The following MCTP1 variants were observed in gnomAD, a reference collection of about 807,000 sequenced individuals.
The protein encoded by MCTP1 is multiple C2 and transmembrane domain-containing protein 1.
In MCTP1, 69 loss-of-function variants were observed where a neutral mutation model predicts 120.6. The observed-to-expected ratio is 0.57, with a 90% CI of 0.47 to 0.70. MCTP1 has a LOEUF of 0.70. Among genes scored for constraint, MCTP1 ranks in the 30% least tolerant of loss-of-function variants. The probability of loss-of-function intolerance (pLI) is 0.00; values close to 1 mark genes in which losing one functional copy is unlikely to be tolerated. For missense variants in MCTP1, 1,203 were observed against 1,248.8 expected, an observed-to-expected ratio of 0.96 and a Z score of 0.55; for synonymous variants, 529 against 493.1, an observed-to-expected ratio of 1.07 and a Z score of -0.96.
chr5:95,054,268 A>T (rs1356503774), intron 1 of MCTP1, among the ~76,000 whole-genome samples: 1 of 152,226 alleles, frequency 6.6e-6, no homozygotes, highest in Non-Finnish European at 1.5e-5. Context: ...ATTTCTCTAG[A>T]GGTCAAATGC....
intron 19 of MCTP1, among the ~76,000 whole-genome samples, chr5:94,761,756 G>A (rs1454101784): frequency 6.6e-6 from 1 of 152,182 alleles, no homozygotes; most frequent in East Asian, 1.9e-4. Flanking sequence ...CCAGCAAGAG[G>A]CAGAATTGAA....
At chr5:94,708,687 C>T in intron 21 of MCTP1, 78 bp from the exon 22 acceptor site, 1 of 881,152 alleles carries the variant, frequency 1.1e-6, no homozygotes, top group Non-Finnish European at 1.9e-6. Flanking sequence ...ACTTGTATGC[C>T]TTGACTCAAT....
chr5:94,818,440 T>C (rs1240582150), intron 17 of MCTP1, among the ~76,000 whole-genome samples: 3 of 152,196 alleles, frequency 2.0e-5, no homozygotes, highest in Admixed American at 6.5e-5. Flanking sequence ...GTGTTTCAGG[T>C]GATCAGCTAA....
At position 94,954,388 on chromosome 5, in the gene MCTP1, C is replaced by A. The variant is rs538108527; in HGVS notation, c.839-1027G>T. Among the ~76,000 whole-genome samples, 9 of 151,644 alleles carry A rather than the reference C, an allele frequency of 5.9e-5. No homozygotes were observed. The South Asian group carries it at 1.9e-3, about 32-fold the overall frequency. ...TGAAGACAAAGAATGGAAAAATAGA[C>A]ACTGGAGATTCCAAAAGGTAGGAGG... On this transcript the variant is annotated intron_variant, in intron 2 of 22. Coordinates refer to ENST00000515393, the MANE Select transcript of MCTP1 (RefSeq NM_024717.7).
intron 1 of MCTP1, among the ~76,000 whole-genome samples, chr5:95,237,025 A>G (rs1164559784): frequency 1.3e-5 from 2 of 152,150 alleles, no homozygotes; most frequent in South Asian, 2.1e-4. Flanking sequence ...AGCCATTTTC[A>G]TATCAGTTCA....
In MCTP1 at chr5:94,981,464, A is replaced by G. The variant is rs147504525; in HGVS notation, c.839-28103T>C. On this transcript the variant is annotated intron_variant, in intron 2 of 22. Transcript: ENST00000515393. Reference sequence around the variant, plus strand: ...CCTGAAATACACTCACACATTCAACAATATTTACTGGATGTCAACATGTGT... The same window carrying G: ...CCTGAAATACACTCACACATTCAACGATATTTACTGGATGTCAACATGTGT... Among the ~76,000 whole-genome samples, 774 of 152,280 alleles carry G rather than the reference A, an allele frequency of 5.1e-3. 6 individuals are homozygous for G. The highest frequency in any genetic ancestry group is 0.018 in the African/African-American group (745 of 41,562).
rs1016888806 is a variant in MCTP1 at position 95,155,650 on chromosome 5, T to C, written c.720+128206A>G. 2.6e-5 allele frequency among the ~76,000 whole-genome samples: 4 copies of C among 152,096 alleles called. No homozygotes were observed. In the South Asian group the frequency reaches 8.3e-4, roughly 32 times the overall value. ...AATTATATTCCAATATAGCAACCTA[T>C]ACACAAGATGGCTAGAAGCCATTAA... On this transcript the variant is annotated intron_variant, in intron 1 of 22. Transcript: ENST00000515393.
chr5:95,219,381 C>CA (rs11414984), intron 1 of MCTP1, among the ~76,000 whole-genome samples: 28,157 of 85,556 alleles, frequency 0.33, 3,343 homozygotes, highest in Middle Eastern at 0.43. Context: ...GACTCCATCT[C>CA]AAAAAAAAAA....
At chr5:95,214,467 G>T (rs1262456631) in intron 1 of MCTP1, among the ~76,000 whole-genome samples, 1 of 152,026 alleles carries the variant, frequency 6.6e-6, no homozygotes, top group East Asian at 1.9e-4. Context: ...CGATTCCTCA[G>T]GGATCTAGAA....
chr5:95,113,742 G>A (rs1369011192), intron 1 of MCTP1, among the ~76,000 whole-genome samples: 2 of 152,156 alleles, frequency 1.3e-5, no homozygotes, highest in East Asian at 3.9e-4. Context: ...TTGAGTCCTA[G>A]TGCTGAATCA....
At chr5:94,742,763 G>C (rs1765809840) in intron 19 of MCTP1, among the ~76,000 whole-genome samples, 1 of 152,036 alleles carries the variant, frequency 6.6e-6, no homozygotes, top group Non-Finnish European at 1.5e-5. Context: ...TTAACTTGAG[G>C]AAGTAAAGTC....
In MCTP1 at chr5:94,779,103, T is replaced by C. The variant is rs1403117631; in HGVS notation, c.2610+7A>G. ...CCAGGTACCCAAGTGCTGGGAAAGA[T>C]AATTACCTTGTCATCTTTGTCATCT... is the stretch of plus-strand genomic sequence containing the variant. On this transcript the variant is annotated splice_region_variant and intron_variant, in intron 19 of 22. Transcript: ENST00000515393. The C allele has an allele frequency of 6.2e-7, 1 of 1,612,190 alleles. No homozygotes were observed. The highest frequency in any genetic ancestry group is 8.5e-7 in the Non-Finnish European group (1 of 1,178,472).
chr5:95,267,386 T>C (rs916175085), intron 1 of MCTP1, among the ~76,000 whole-genome samples: 2 of 152,230 alleles, frequency 1.3e-5, no homozygotes, highest in Non-Finnish European at 2.9e-5. Context: ...CTCGGAAATG[T>C]GCTGTCTAGG....
intron 9 of MCTP1, among the ~76,000 whole-genome samples, chr5:94,910,512 TAA>T (rs1808277614): frequency 6.6e-6 from 1 of 152,116 alleles, no homozygotes; most frequent in Non-Finnish European, 1.5e-5. Context: ...TCTTCAGATG[TAA>T]AGTTTGAAAG....
chr5:94,829,168 A>G (rs143762919), intron 17 of MCTP1, among the ~76,000 whole-genome samples: 1,743 of 152,266 alleles, frequency 0.011, 42 homozygotes, highest in African/African-American at 0.04. Context: ...TCTGGGCCAG[A>G]ATGCACTGTT....
At chr5:94,946,982 T>C (rs1418276181) in intron 3 of MCTP1, among the ~76,000 whole-genome samples, 3 of 152,216 alleles carry the variant, frequency 2.0e-5, no homozygotes, top group Non-Finnish European at 4.4e-5. Flanking sequence ...AACTTGTACC[T>C]GGGCTAGATG....
intron 2 of MCTP1, among the ~76,000 whole-genome samples, chr5:94,965,236 A>AT (rs1030259823): frequency 3.3e-5 from 5 of 152,028 alleles, no homozygotes; most frequent in African/African-American, 9.7e-5. Context: ...CTTGGATGCC[A>AT]TTTTTTTCTC....
chr5:95,061,682 G>A (rs1381669872), intron 1 of MCTP1, among the ~76,000 whole-genome samples: 4 of 151,810 alleles, frequency 2.6e-5, no homozygotes, highest in South Asian at 2.1e-4. Flanking sequence ...TGATCCGCCC[G>A]CCTCGGCCTC....
At chr5:94,771,374 T>A (rs1395129058) in intron 19 of MCTP1, among the ~76,000 whole-genome samples, 1 of 152,166 alleles carries the variant, frequency 6.6e-6, no homozygotes, top group Non-Finnish European at 1.5e-5. Flanking sequence ...CTCCCTGTCC[T>A]TTGAAGGGTA....
Sources: gnomAD v4.1 joint callset for allele counts (sites outside exome capture counted in the v4.1 genomes callset) on GRCh38, gnomAD v4.1.1 for gene constraint, MANE v1.5 for transcripts, NCBI Gene and HGNC (gene_info 2026-07-23, HGNC 2026-07-21) for gene names.